Variants in ART3 observed in about 807,000 individuals in gnomAD.
ART3 encodes the protein ecto-ADP-ribosyltransferase 3.
A neutral mutation model predicts 48.5 loss-of-function variants in ART3; 49 were observed. The ratio of observed to expected loss-of-function variants is 1.01; its 90% CI spans 0.80 to 1.28. ART3 has a LOEUF of 1.28. Among genes scored for constraint, ART3 ranks in the 50% most tolerant of loss-of-function variants. The pLI, the probability that ART3 is intolerant of heterozygous loss-of-function variation, is 0.00. For synonymous variants in ART3, 145 were observed against 157.2 expected (o/e 0.92, Z 0.58); for missense variants, 438 against 454.3 (o/e 0.96, Z 0.33).
At chr4:76,103,912 A>G in intron 8 of ART3, 25 bp from the exon 9 acceptor site, 1 of 1,609,654 alleles carries the variant, frequency 6.2e-7, no homozygotes, top group Non-Finnish European at 8.5e-7. Flanking sequence ...GATTAATACA[A>G]ACCAATATTT....
At chr4:76,025,230 G>A (rs1224683519) in intron 1 of ART3, among the ~76,000 whole-genome samples, 1 of 152,142 alleles carries the variant, frequency 6.6e-6, no homozygotes, top group Non-Finnish European at 1.5e-5. Flanking sequence ...TATTTGTGCA[G>A]AACAAACATT....
At chr4:76,035,026 G>A (rs12649185) in intron 1 of ART3, 375,332 of 1,576,278 alleles carry the variant, frequency 0.24, 47,239 homozygotes, top group East Asian at 0.39. Context: ...ATTATAACAT[G>A]GGAGTAATTT....
intron 1 of ART3, among the ~76,000 whole-genome samples, chr4:76,056,564 T>G (rs1234541663): frequency 6.6e-6 from 1 of 152,120 alleles, no homozygotes; most frequent in Non-Finnish European, 1.5e-5. Context: ...CATTATAGTT[T>G]AATAGCACCA....
intron 3 of ART3, among the ~76,000 whole-genome samples, chr4:76,086,984 C>G (rs756435236): frequency 6.6e-6 from 1 of 152,226 alleles, no homozygotes; most frequent in Non-Finnish European, 1.5e-5. Flanking sequence ...ATCAGCATAG[C>G]ACAGCCAAAA....
At chr4:76,054,946 T>C (rs1718542143) in intron 1 of ART3, among the ~76,000 whole-genome samples, 2 of 152,380 alleles carry the variant, frequency 1.3e-5, no homozygotes, top group South Asian at 2.1e-4. Flanking sequence ...TTTTCTTGTT[T>C]TCTTTCTTTT....
At chr4:76,058,760 T>C (rs1164087183) in intron 1 of ART3, 4 of 152,174 alleles carry the variant, frequency 2.6e-5, no homozygotes, top group Admixed American at 2.6e-4. Context: ...TGAATTAAAA[T>C]TTGTAAACAG....
intron 2 of ART3, among the ~76,000 whole-genome samples, chr4:76,079,806 G>T (rs1422448952): frequency 6.6e-6 from 1 of 151,772 alleles, no homozygotes; most frequent in Non-Finnish European, 1.5e-5. Flanking sequence ...AAGAGAGATG[G>T]GAAAGGAGAT....
chr4:76,101,014 A>G lies in ART3; in HGVS notation c.932A>G (p.Asp311Gly). 6.2e-7 allele frequency: 1 copy of G among 1,613,736 alleles called. No homozygotes were observed. The highest frequency in any genetic ancestry group is 8.5e-7 in the Non-Finnish European group (1 of 1,179,940). Residue 311 changes from aspartate to glycine, a missense_variant, in exon 8 of 12, where the codon GAC (aspartate) becomes GGC (glycine). This residue lies in a region of ART3 where 227 missense variants were observed against 229.6 expected (regional missense o/e 0.99). Coordinates refer to ENST00000355810, the MANE Select transcript of ART3 (RefSeq NM_001130016.3). ...DHGEKNQKLE[D>G]HGVKILEPTQ... ...GGTGAGAAAAACCAGAAGCTTGAAG[A>G]CCATGGTAAGACATTTATGTAAATT...
intron 1 of ART3, among the ~76,000 whole-genome samples, chr4:76,031,361 T>TA (rs34510183): frequency 6.6e-6 from 1 of 151,766 alleles, no homozygotes; most frequent in Non-Finnish European, 1.5e-5. Context: ...AGAGAAATGT[T>TA]AAAAAAAAAT....
chr4:76,108,671 A>G (rs200852329), intron 11 of ART3, among the ~76,000 whole-genome samples: 1 of 95,874 alleles, frequency 1.0e-5, no homozygotes, highest in East Asian at 3.5e-4. Context: ...GCTTAACAAG[A>G]TGGGGTATGT....
chr4:76,064,450 A>C (rs1719518536), intron 1 of ART3, among the ~76,000 whole-genome samples: 1 of 152,252 alleles, frequency 6.6e-6, no homozygotes. Flanking sequence ...AGTGATCATG[A>C]CATTGAAACA....
At chr4:76,039,104 T>G (rs1490527192) in intron 1 of ART3, among the ~76,000 whole-genome samples, 2 of 22,758 alleles carry the variant, frequency 8.8e-5, no homozygotes, top group Non-Finnish European at 1.4e-4. Context: ...ATAATAGTAC[T>G]TTTTTTTTTT....
intron 1 of ART3, among the ~76,000 whole-genome samples, chr4:76,030,292 G>A (rs10029157): frequency 0.2 from 29,888 of 152,024 alleles, 3,731 homozygotes; most frequent in East Asian, 0.34. Flanking sequence ...TGCTGACCTC[G>A]TGATCCACCC....
intron 3 of ART3, among the ~76,000 whole-genome samples, chr4:76,094,135 T>C (rs1725511172): frequency 6.6e-6 from 1 of 152,192 alleles, no homozygotes; most frequent in Admixed American, 6.5e-5. Context: ...TTACCAGAAA[T>C]TGAACCTGCC....
intron 1 of ART3, among the ~76,000 whole-genome samples, chr4:76,051,849 A>T (rs1736124853): frequency 6.6e-6 from 1 of 150,450 alleles, no homozygotes; most frequent in African/African-American, 2.5e-5. Context: ...GCTGACAATG[A>T]ATTTTAAATA....
At chr4:76,045,591 TAAG>T (rs1254001595) in intron 1 of ART3, among the ~76,000 whole-genome samples, 1 of 152,054 alleles carries the variant, frequency 6.6e-6, no homozygotes, top group Non-Finnish European at 1.5e-5. Flanking sequence ...CCCACGAGTC[TAAG>T]GACTCCAAGA....
chr4:76,058,838 A>G (rs1018484522), intron 1 of ART3, among the ~76,000 whole-genome samples: 1 of 152,218 alleles, frequency 6.6e-6, no homozygotes, highest in African/African-American at 2.4e-5. Context: ...AATTGAGCAA[A>G]GAATGATTTG....
chr4:76,093,218 T>G (rs1725293582), intron 3 of ART3, among the ~76,000 whole-genome samples: 2 of 152,090 alleles, frequency 1.3e-5, no homozygotes, highest in African/African-American at 4.8e-5. Flanking sequence ...GTTCAGGAGT[T>G]TGAGACCAGC....
chr4:76,035,059 C>T, intron 1 of ART3: 2 of 1,613,274 alleles, frequency 1.2e-6, no homozygotes, highest in Non-Finnish European at 1.7e-6. Flanking sequence ...TGATTATAAG[C>T]CTTGCTTGCT....
Sources: allele counts gnomAD v4.1 joint callset (sites outside exome capture counted in the v4.1 genomes callset), GRCh38; gene constraint gnomAD v4.1.1; regional missense constraint gnomAD v4.1.1; transcripts MANE v1.5; gene names NCBI Gene and HGNC (gene_info 2026-07-23, HGNC 2026-07-21).